Variants in PCDH15 observed in about 807,000 individuals in gnomAD.
PCDH15 encodes protocadherin related 15.
Under a neutral mutation model 178.5 loss-of-function variants are expected in PCDH15, and 129 were observed. That is an observed-to-expected ratio of 0.72 (90% CI 0.63 to 0.84). The LOEUF is 0.84. PCDH15 is among the 40% of genes least tolerant of loss of function. PCDH15 has a pLI of 0.00. For synonymous variants in PCDH15, 800 were observed against 732.0 expected, an observed-to-expected ratio of 1.09 and a Z score of -1.50; for missense variants, 2,230 against 2,099.9, an observed-to-expected ratio of 1.06 and a Z score of -1.21.
intron 18 of PCDH15, among the ~76,000 whole-genome samples, chr10:54,059,826 A>G (rs548024248): frequency 1.3e-4 from 20 of 152,356 alleles, no homozygotes; most frequent in African/African-American, 4.8e-4. Flanking sequence ...TTAAGACCAA[A>G]CATTTGAAAG....
chr10:54,707,422 G>A (rs2095376607), intron 1 of PCDH15, among the ~76,000 whole-genome samples: 1 of 152,162 alleles, frequency 6.6e-6, no homozygotes, highest in African/African-American at 2.4e-5. Context: ...TGCTGGTATA[G>A]AAACTTGAAA....
At chr10:54,974,057 T>A (rs11004651) in intron 2 of PCDH15, among the ~76,000 whole-genome samples, 2,426 of 99,596 alleles carry the variant, frequency 0.024, 42 homozygotes, top group African/African-American at 0.069. Flanking sequence ...TCTCTCTCTC[T>A]CACACACACA....
intron 2 of PCDH15, among the ~76,000 whole-genome samples, chr10:55,463,849 A>T (rs1007435985): frequency 1.9e-4 from 28 of 150,140 alleles, no homozygotes; most frequent in African/African-American, 6.9e-4. Context: ...AGGGTGACAG[A>T]GTAACAGAAT....
chr10:55,011,047 G>A (rs2131942856), intron 2 of PCDH15, among the ~76,000 whole-genome samples: 1 of 152,034 alleles, frequency 6.6e-6, no homozygotes, highest in East Asian at 1.9e-4. Context: ...AGGAATAACT[G>A]AAAGAGGATA....
chr10:54,333,362 T>A (rs1342285), intron 6 of PCDH15, among the ~76,000 whole-genome samples: 2 of 152,044 alleles, frequency 1.3e-5, no homozygotes, highest in African/African-American at 4.8e-5. Flanking sequence ...AAATTTAATT[T>A]ATTAATTAAG....
rs564781828 is a variant in PCDH15, at chr10:54,170,691, C to T, written c.1590+12753G>A. On this transcript the variant is annotated intron_variant, in intron 13 of 37. Transcript: ENST00000644397. Reference sequence around the variant, plus strand: ...ATCCACCTGACATTCACCCCATTTCCCCAAATTTCCTTCTTTCCTGTTCCT... The same window carrying T: ...ATCCACCTGACATTCACCCCATTTCTCCAAATTTCCTTCTTTCCTGTTCCT... 2.3e-3 allele frequency among the ~76,000 whole-genome samples: 350 copies of T among 151,960 alleles called. 1 individual carries two copies. Among genetic ancestry groups the T allele is most frequent in the African/African-American group, 8.1e-3 (335 of 41,362 alleles).
At chr10:54,209,564 G>A (rs1279451487) in intron 10 of PCDH15, among the ~76,000 whole-genome samples, 3 of 152,054 alleles carry the variant, frequency 2.0e-5, no homozygotes, top group African/African-American at 7.2e-5. Flanking sequence ...AAAGGGAATA[G>A]AAAATAGAAG....
chr10:54,657,149 G>A (rs1189199592), intron 2 of PCDH15, among the ~76,000 whole-genome samples: 1 of 152,194 alleles, frequency 6.6e-6, no homozygotes, highest in Non-Finnish European at 1.5e-5. Flanking sequence ...TGCCGGAGGG[G>A]CATACCCATG....
At chr10:54,420,584 A>C (rs1182856940) in intron 3 of PCDH15, among the ~76,000 whole-genome samples, 2 of 152,090 alleles carry the variant, frequency 1.3e-5, no homozygotes, top group African/African-American at 4.8e-5. Flanking sequence ...AGTTGTTTTA[A>C]GGAGAGGAGT....
At chr10:53,871,916 C>T (rs376878498) in intron 26 of PCDH15, among the ~76,000 whole-genome samples, 11 of 151,902 alleles carry the variant, frequency 7.2e-5, no homozygotes, top group African/African-American at 2.4e-4. Flanking sequence ...GAGGCTGAGG[C>T]GGGCGGATCA....
At chr10:55,413,986 TAA>T (rs561438056) in intron 2 of PCDH15, among the ~76,000 whole-genome samples, 3 of 151,664 alleles carry the variant, frequency 2.0e-5, no homozygotes, top group East Asian at 3.9e-4. Flanking sequence ...TGCACAGATA[TAA>T]GAGTAAGATA....
chr10:54,182,169 A>G (rs1383568864), intron 13 of PCDH15, among the ~76,000 whole-genome samples: 1 of 151,982 alleles, frequency 6.6e-6, no homozygotes, highest in East Asian at 1.9e-4. Context: ...GTTTCACCAT[A>G]TTGCCCAGGC....
chr10:54,115,692 T>C (rs919185704), intron 15 of PCDH15, among the ~76,000 whole-genome samples: 2 of 152,194 alleles, frequency 1.3e-5, no homozygotes, highest in African/African-American at 4.8e-5. Context: ...AACTTCTCCA[T>C]ACATACAATA....
At chr10:53,881,546 G>C (rs1257198843) in intron 26 of PCDH15, among the ~76,000 whole-genome samples, 1 of 152,062 alleles carries the variant, frequency 6.6e-6, no homozygotes, top group Non-Finnish European at 1.5e-5. Flanking sequence ...ATAGAGCAAA[G>C]AGAAAAACTG....
At chr10:54,098,595 T>C (rs2094746534) in intron 15 of PCDH15, among the ~76,000 whole-genome samples, 1 of 152,170 alleles carries the variant, frequency 6.6e-6, no homozygotes, top group South Asian at 2.1e-4. Context: ...GTGTTTGGTT[T>C]GCCTAAATTG....
intron 2 of PCDH15, among the ~76,000 whole-genome samples, chr10:54,959,483 A>G (rs915774533): frequency 2.0e-5 from 3 of 152,044 alleles, no homozygotes; most frequent in African/African-American, 7.2e-5. Context: ...TTTTAAGGTG[A>G]AAAGGTTAAG....
intron 13 of PCDH15, among the ~76,000 whole-genome samples, chr10:54,161,147 C>A (rs539413307): frequency 4.6e-5 from 7 of 152,036 alleles, no homozygotes; most frequent in Non-Finnish European, 7.4e-5. Context: ...CTGAAATGCC[C>A]ATCAACTGGT....
At chr10:55,447,229 G>A (rs911113811) in intron 2 of PCDH15, among the ~76,000 whole-genome samples, 10 of 151,978 alleles carry the variant, frequency 6.6e-5, no homozygotes, top group Non-Finnish European at 1.5e-4. Context: ...ACCATAAAGT[G>A]AGAAATCATT....
chr10:55,245,793 A>G (rs1293304762), intron 1 of PCDH15, among the ~76,000 whole-genome samples: 6 of 152,194 alleles, frequency 3.9e-5, no homozygotes, highest in Non-Finnish European at 5.9e-5. Context: ...CCAGCACTCT[A>G]TGATAGATAG....
Sources: gnomAD v4.1 joint callset for allele counts (sites outside exome capture counted in the v4.1 genomes callset) on GRCh38, gnomAD v4.1.1 for gene constraint, MANE v1.5 for transcripts, NCBI Gene and HGNC (gene_info 2026-07-23, HGNC 2026-07-21) for gene names.